Variants in CECR2 observed in about 807,000 individuals in gnomAD.
CECR2 encodes the protein chromatin remodeling regulator CECR2.
CECR2 carries 30 observed loss-of-function variants against 154.5 expected under a neutral mutation model. The observed-to-expected ratio is 0.19, with a 90% CI of 0.15 to 0.26. CECR2 has a LOEUF of 0.26. Ranked by LOEUF, CECR2 falls within the 10% of genes least tolerant of loss-of-function variation. The pLI is 1.00. For synonymous variants in CECR2, 725 were observed against 683.7 expected (o/e 1.06, Z -0.94); for missense variants, 1,743 against 1,829.3 (o/e 0.95, Z 0.86).
upstream of CECR2, chr22:17,369,345 C>CGGGCGGGGGAG (rs1395954799): frequency 6.6e-6 from 1 of 151,290 alleles, no homozygotes; most frequent in Non-Finnish European, 1.5e-5. Context: ...TGCAGCTGTC[C>CGGGCGGGGGAG]GGGCGGGGGT....
At chr22:17,395,352 C>CT (rs145697924) in intron 1 of CECR2, among the ~76,000 whole-genome samples, 7,902 of 148,952 alleles carry the variant, frequency 0.053, 324 homozygotes, top group African/African-American at 0.12. Flanking sequence ...CATATTCTCT[C>CT]TTTTTTTTTT....
intron 1 of CECR2, among the ~76,000 whole-genome samples, chr22:17,404,261 T>TC (rs1246380846): frequency 2.0e-5 from 1 of 50,778 alleles, no homozygotes; most frequent in African/African-American, 7.5e-5. Flanking sequence ...TCTGTCCCCA[T>TC]CCCCCCGACC....
Position 17,541,857 on chromosome 22 carries a change from A to G in CECR2, c.1903A>G (p.Thr635Ala). ...GCTGCAGAGGCCAGCAGTACCAGGAACATTTGGCCCTCTGCGAGGATCAGA... is the reference window on the plus strand; with the variant it reads ...GCTGCAGAGGCCAGCAGTACCAGGAGCATTTGGCCCTCTGCGAGGATCAGA... ...LNQMRPAVPG[T>A]FGPLRGSDPA... The change falls in exon 15 of 19, where the codon ACA becomes GCA. Residue 635 changes from threonine (T) to alanine (A), a missense_variant. This residue lies in a region of CECR2 where 1,250 missense variants were observed against 1,192.1 expected (regional missense o/e 1.05). Transcript: ENST00000262608. 1 of 1,613,700 alleles carries G rather than the reference A, an allele frequency of 6.2e-7. No individual in the cohort carries two copies. Among genetic ancestry groups the G allele is most frequent in the South Asian group, 1.1e-5 (1 of 91,018 alleles).
At position 17,524,127 on chromosome 22, in the gene CECR2, G is replaced by C; in HGVS notation, c.964G>C (p.Val322Leu). Residue 322 changes from valine (V) to leucine (L), a missense_variant, in exon 9 of 19, where the codon GTG becomes CTG. Around this residue, in one of 4 missense-constraint regions of CECR2, gnomAD observed 292 missense variants for 301.2 expected, o/e 0.97. Transcript: ENST00000262608. ...CATTGGCTCCTCACAGGAGACTCCTGTGCTGACCAGAATAGAAAAACAAAA... is the reference window on the plus strand; with the variant it reads ...CATTGGCTCCTCACAGGAGACTCCTCTGCTGACCAGAATAGAAAAACAAAA... ...IKPVKQEETP[V>L]LTRIEKQKRK... The C allele has an allele frequency of 1.6e-5, 26 of 1,587,546 alleles. No homozygotes were observed. The highest frequency in any genetic ancestry group is 2.2e-5 in the Non-Finnish European group (26 of 1,167,282).
intron 1 of CECR2, among the ~76,000 whole-genome samples, chr22:17,435,310 G>A (rs1018630417): frequency 1.3e-5 from 2 of 152,068 alleles, no homozygotes; most frequent in Non-Finnish European, 2.9e-5. Flanking sequence ...TGCATTCCAT[G>A]AAACTGACTA....
Position 17,477,581 on chromosome 22 carries a change from C to A in CECR2, c.127-7C>A, listed in dbSNP as rs781325580. The A allele has an allele frequency of 8.2e-6, 13 of 1,591,726 alleles. No homozygotes were observed. Among genetic ancestry groups the A allele is most frequent in the Non-Finnish European group, 1.1e-5 (13 of 1,160,196 alleles). ...GATTTCTCAACTTCCCTCTCTCCCT[C>A]CCTCAGGAGTTAGAAGCCGCTCTTC... On this transcript the variant is annotated splice_region_variant and splice_polypyrimidine_tract_variant and intron_variant, in intron 1 of 18. Coordinates refer to ENST00000262608, the MANE Select transcript of CECR2 (RefSeq NM_001290047.2).
intron 2 of CECR2, among the ~76,000 whole-genome samples, chr22:17,491,314 C>T (rs149958218): frequency 3.3e-5 from 5 of 152,132 alleles, no homozygotes; most frequent in African/African-American, 9.6e-5. Context: ...TCCCACCGGC[C>T]GTGTGTGAGG....
intron 1 of CECR2, among the ~76,000 whole-genome samples, chr22:17,421,348 G>A (rs897219071): frequency 6.6e-6 from 1 of 152,046 alleles, no homozygotes; most frequent in Non-Finnish European, 1.5e-5. Context: ...GGGCGCGGTG[G>A]CTCATGCCTG....
chr22:17,463,548 A>G (rs1282177862), intron 1 of CECR2, among the ~76,000 whole-genome samples: 1 of 152,150 alleles, frequency 6.6e-6, no homozygotes, highest in East Asian at 1.9e-4. Flanking sequence ...AAGAGAGAAA[A>G]AGGGAAGAGT....
At chr22:17,379,624 G>GTA (rs2063163195) in intron 1 of CECR2, among the ~76,000 whole-genome samples, 1 of 148,410 alleles carries the variant, frequency 6.7e-6, no homozygotes, top group African/African-American at 2.5e-5. Context: ...GTGTGTGTGT[G>GTA]TTTGCGATAT....
upstream of CECR2, among the ~76,000 whole-genome samples, chr22:17,368,755 CG>C (rs1303158138): frequency 3.3e-5 from 5 of 152,120 alleles, no homozygotes; most frequent in African/African-American, 1.2e-4. Flanking sequence ...CCGTCTTCTC[CG>C]GGGCGGTCAC....
chr22:17,524,786 C>G (rs11089184), intron 9 of CECR2: 2 of 289,362 alleles, frequency 6.9e-6, no homozygotes, highest in South Asian at 4.9e-5. Flanking sequence ...CAACCTCTGC[C>G]TCAGCCTCCC....
At chr22:17,435,701 A>C (rs916434014) in intron 1 of CECR2, among the ~76,000 whole-genome samples, 3 of 149,892 alleles carry the variant, frequency 2.0e-5, no homozygotes, top group Non-Finnish European at 3.0e-5. Flanking sequence ...AAAAAAAAAA[A>C]AAAAAAAAAC....
At chr22:17,462,057 C>G (rs897680587) in intron 1 of CECR2, among the ~76,000 whole-genome samples, 2 of 151,758 alleles carry the variant, frequency 1.3e-5, no homozygotes, top group Non-Finnish European at 2.9e-5. Context: ...TCCCAAAGTG[C>G]TGGGACTACA....
chr22:17,453,578 G>T (rs2054806131), intron 1 of CECR2, among the ~76,000 whole-genome samples: 1 of 152,064 alleles, frequency 6.6e-6, no homozygotes, highest in Non-Finnish European at 1.5e-5. Context: ...AGTACATGAT[G>T]ATCTAATTTA....
At chr22:17,505,534 C>CTT (rs11387639) in intron 7 of CECR2, among the ~76,000 whole-genome samples, 3,893 of 98,742 alleles carry the variant, frequency 0.039, 183 homozygotes, top group East Asian at 0.08. Flanking sequence ...CCTCTTTTTC[C>CTT]TTTTTTTTTT....
chr22:17,362,193 G>A (rs1231102821), intron 1 of CECR2, among the ~76,000 whole-genome samples: 2 of 152,118 alleles, frequency 1.3e-5, no homozygotes, highest in African/African-American at 2.4e-5. Flanking sequence ...CAGGCACACC[G>A]CCACCACACC....
chr22:17,380,763 G>A (rs577229096), intron 1 of CECR2, among the ~76,000 whole-genome samples: 136 of 152,322 alleles, frequency 8.9e-4, no homozygotes, highest in African/African-American at 3.1e-3. Context: ...AATAATTCCT[G>A]AGAATGGATA....
intron 1 of CECR2, among the ~76,000 whole-genome samples, chr22:17,370,951 GT>G (rs896607631): frequency 6.6e-6 from 1 of 152,174 alleles, no homozygotes; most frequent in Admixed American, 6.5e-5. Flanking sequence ...GCGTTGGTCA[GT>G]TTTTGTTTTC....
Sources: gnomAD v4.1 joint callset for allele counts (sites outside exome capture counted in the v4.1 genomes callset) on GRCh38, gnomAD v4.1.1 for gene constraint, gnomAD v4.1.1 regional missense constraint, MANE v1.5 for transcripts, NCBI Gene and HGNC (gene_info 2026-07-23, HGNC 2026-07-21) for gene names.